Variants in ZNF335 observed in about 807,000 individuals in gnomAD.
ZNF335 encodes NRC-interacting factor 1.
A neutral mutation model predicts 145.6 loss-of-function variants in ZNF335; 84 were observed. The ratio of observed to expected loss-of-function variants is 0.58; its 90% CI spans 0.48 to 0.69. The LOEUF is 0.69. Ranked by LOEUF, ZNF335 falls within the 30% of genes least tolerant of loss-of-function variation. The pLI is 0.00. For synonymous variants in ZNF335, 761 were observed against 717.0 expected, an observed-to-expected ratio of 1.06 and a Z score of -0.98; for missense variants, 1,865 against 1,809.7, an observed-to-expected ratio of 1.03 and a Z score of -0.55.
In ZNF335 at chr20:45,952,662, G is replaced by A. The variant is rs1239687646; in HGVS notation, c.2750C>T (p.Thr917Ile). The stretch of plus-strand genomic sequence containing the variant: ...GTAGTGGGTGCCAGCTTCTTTTAGG[G>A]TGTCACTCACAACCACAGCCTGGGC... ...EAAQAVVVSD[T>I]LKEAGTHYIM... Residue 917 changes from threonine (T) to isoleucine (I), a missense_variant, in exon 19 of 28, where the codon ACC becomes ATC. Coordinates refer to ENST00000322927, the MANE Select transcript of ZNF335 (RefSeq NM_022095.4). The A allele has an allele frequency of 6.2e-7, 1 of 1,613,706 alleles. No individual in the cohort carries two copies. Among genetic ancestry groups the A allele is most frequent in the African/African-American group, 1.3e-5 (1 of 74,888 alleles).
Position 45,965,670 on chromosome 20 carries a change from G to A in ZNF335, c.1060C>T (p.Pro354Ser), listed in dbSNP as rs1286305386. 3.8e-6 allele frequency: 6 copies of A among 1,599,288 alleles called. No individual in the cohort carries two copies. Among genetic ancestry groups the A allele is most frequent in the Non-Finnish European group, 5.1e-6 (6 of 1,174,456 alleles). Residue 354 changes from proline to serine, a missense_variant, in exon 7 of 28, where the codon CCC becomes TCC. Physicochemically the swap from Pro to Ser is moderately conservative, Grantham distance 74. Coordinates refer to ENST00000322927, the MANE Select transcript of ZNF335 (RefSeq NM_022095.4). The stretch of plus-strand genomic sequence containing the variant: ...ATCTCCAGGCGGGGCAGCTTCCGGG[G>A]CCGGCCAGGTCTCCTTCGGGGCCTT... Reference protein sequence around the residue: ...TPRPRRRPGRPRKLPRLEISD... With the variant: ...TPRPRRRPGRSRKLPRLEISD...
chr20:45,965,328 C>G (rs949256102), intron 7 of ZNF335, among the ~76,000 whole-genome samples: 7 of 152,106 alleles, frequency 4.6e-5, no homozygotes, highest in African/African-American at 1.7e-4. Flanking sequence ...CCTCTCTTCT[C>G]ATTTCAGTAA....
In ZNF335 at chr20:45,948,890, G is replaced by A; in HGVS notation, c.*63C>T. 6.2e-6 allele frequency: 10 copies of A among 1,610,748 alleles called. No individual in the cohort carries two copies. The highest frequency in any genetic ancestry group is 8.5e-6 in the Non-Finnish European group (10 of 1,178,856). ...CTAAATGAAGAGGGAGGTGAGTCCT[G>A]GTGGCCCCCTACCCCCAGGAGAGCT... On this transcript the variant is annotated 3_prime_UTR_variant, in exon 28 of 28. Coordinates refer to ENST00000322927, the MANE Select transcript of ZNF335 (RefSeq NM_022095.4).
intron 7 of ZNF335, among the ~76,000 whole-genome samples, chr20:45,965,063 T>TAATAAC: frequency 6.7e-6 from 1 of 149,614 alleles, no homozygotes; most frequent in South Asian, 2.1e-4. Context: ...ATAATAATAA[T>TAATAAC]AATAATACAA....
At chr20:45,965,167 C>T (rs1332994380) in intron 7 of ZNF335, among the ~76,000 whole-genome samples, 1 of 151,940 alleles carries the variant, frequency 6.6e-6, no homozygotes, top group Non-Finnish European at 1.5e-5. Context: ...AACCTCCATG[C>T]ATAAATAAAG....
intron 2 of ZNF335, among the ~76,000 whole-genome samples, chr20:45,970,455 T>G (rs1394980635): frequency 6.6e-6 from 1 of 152,252 alleles, no homozygotes; most frequent in South Asian, 2.1e-4. Flanking sequence ...GCTTTGCATA[T>G]GTTAATTCAT....
chr20:45,950,043 G>A lies in ZNF335; in HGVS notation c.3514C>T (p.Leu1172=). The A allele has an allele frequency of 6.2e-7, 1 of 1,613,980 alleles. No individual in the cohort carries two copies. Among genetic ancestry groups the A allele is most frequent in the Non-Finnish European group, 8.5e-7 (1 of 1,179,976 alleles). Residue 1172 remains leucine, a synonymous_variant, in exon 23 of 28, where the codon CTG becomes TTG. Transcript: ENST00000322927. ...GCCTGCTGTAGCCGCTCTGGGCCCA[G>A]GACCCCGTGACTGGACTGGAGTGCA... ...HTALQSSHGV[L]GPERLQQALS... is the part of the protein sequence containing the mutation.
chr20:45,959,369 C>A lies in ZNF335; in HGVS notation c.2085G>T (p.Leu695=). 6.3e-7 allele frequency: 1 copy of A among 1,580,904 alleles called. No individual in the cohort carries two copies. Among genetic ancestry groups the A allele is most frequent in the Non-Finnish European group, 8.6e-7 (1 of 1,159,762 alleles). The change falls in exon 15 of 28, where the codon CTG becomes CTT. Residue 695 remains leucine, a synonymous_variant. Coordinates refer to ENST00000322927, the MANE Select transcript of ZNF335 (RefSeq NM_022095.4). ...FSTRHKKNLR[L]HVRCRHASSF... is the part of the protein sequence containing the mutation. Reference sequence around the variant, plus strand: ...TGCTTGCGTGTCGGCACCGTACGTGCAGGCGCAGGTTCTTCTTGTGCCGTG... The same window carrying A: ...TGCTTGCGTGTCGGCACCGTACGTGAAGGCGCAGGTTCTTCTTGTGCCGTG...
At chr20:45,971,940 C>T (rs929500537) in intron 1 of ZNF335, 182 bp downstream of exon 1, 17 of 985,436 alleles carry the variant, frequency 1.7e-5, no homozygotes, top group Non-Finnish European at 1.3e-5. Context: ...GGCCCGACGC[C>T]ATCTTGTGGT....
rs750476501 is a variant in ZNF335, at chr20:45,971,359, G to A, written c.52C>T (p.Arg18Trp). 20 of 1,600,272 alleles carry A rather than the reference G, an allele frequency of 1.2e-5. 1 individual carries two copies. The South Asian group carries it at 1.9e-4, about 15-fold the overall frequency. ...SSSDAAPGPGRPEEPSESGLG... is the reference protein window; with the variant it reads ...SSSDAAPGPGWPEEPSESGLG... Reference sequence around the variant, plus strand: ...CCGCTCTCAGAGGGCTCCTCGGGCCGGCCAGGCCCAGGGGCCGCGTCGCTG... The same window carrying A: ...CCGCTCTCAGAGGGCTCCTCGGGCCAGCCAGGCCCAGGGGCCGCGTCGCTG... The change falls in exon 2 of 28, where the codon CGG becomes TGG. Residue 18 changes from arginine to tryptophan, a missense_variant. Coordinates refer to ENST00000322927, the MANE Select transcript of ZNF335 (RefSeq NM_022095.4).
chr20:45,966,700 C>T (rs1053160202), intron 6 of ZNF335, among the ~76,000 whole-genome samples: 10 of 151,448 alleles, frequency 6.6e-5, no homozygotes, highest in South Asian at 2.1e-4. Flanking sequence ...TGCAGGTGCC[C>T]GCCACCACAC....
intron 9 of ZNF335, 88 bp from the exon 10 acceptor site, chr20:45,962,270 G>A (rs1441348142): frequency 9.7e-7 from 1 of 1,035,178 alleles, no homozygotes; most frequent in Non-Finnish European, 1.5e-6. Context: ...CAGTCTTAGG[G>A]TTGCTGCGGG....
chr20:45,965,178 G>A (rs1229294437), intron 7 of ZNF335, among the ~76,000 whole-genome samples: 1 of 151,676 alleles, frequency 6.6e-6, no homozygotes, highest in Non-Finnish European at 1.5e-5. Flanking sequence ...ATAAATAAAG[G>A]GACTGGAGAT....
intron 2 of ZNF335, among the ~76,000 whole-genome samples, chr20:45,970,857 C>T (rs574820969): frequency 6.6e-6 from 1 of 150,618 alleles, no homozygotes; most frequent in South Asian, 2.1e-4. Context: ...TTCCAAAGTG[C>T]TGGGATTACA....
At chr20:45,949,440 T>C in intron 25 of ZNF335, 42 bp from the exon 26 acceptor site, 2 of 1,613,994 alleles carry the variant, frequency 1.2e-6, no homozygotes, top group Non-Finnish European at 1.7e-6. Context: ...GGAGAGGTCA[T>C]GCAGCCCTTC....
chr20:45,967,706 C>T (rs1253857318), intron 5 of ZNF335, 28 bp downstream of exon 5: 1 of 1,608,152 alleles, frequency 6.2e-7, no homozygotes. Flanking sequence ...CCCATGCAGT[C>T]CAAGCAGGTA....
At position 45,958,116 on chromosome 20, in the gene ZNF335, T is replaced by C. The variant is rs1020864418; in HGVS notation, c.2254-188A>G. On this transcript the variant is annotated intron_variant, in intron 15 of 27. Transcript: ENST00000322927. Reference sequence around the variant, plus strand: ...CAGGCTGGAGTACAATGGCTCAATCTAGGCTCACTACAACCTCTGCCCCTG... The same window carrying C: ...CAGGCTGGAGTACAATGGCTCAATCCAGGCTCACTACAACCTCTGCCCCTG... Among the ~76,000 whole-genome samples the C allele has an allele frequency of 2.3e-4, 35 of 152,090 alleles. 1 individual carries two copies. Among genetic ancestry groups the C allele is most frequent in the South Asian group, 1.2e-3 (6 of 4,822 alleles).
intron 10 of ZNF335, chr20:45,961,839 A>G (rs2083848766): frequency 2.1e-6 from 1 of 469,742 alleles, no homozygotes; most frequent in Non-Finnish European, 3.9e-6. Flanking sequence ...TGAGAAACTA[A>G]AGCTCACAAG....
At chr20:45,964,296 C>T (rs531286398) in intron 7 of ZNF335, 3 of 309,628 alleles carry the variant, frequency 9.7e-6, no homozygotes, top group Non-Finnish European at 1.8e-5. Context: ...TGTGCACCTA[C>T]AGACAAAGCC....
Sources: gnomAD v4.1 joint callset for allele counts (sites outside exome capture counted in the v4.1 genomes callset) on GRCh38, gnomAD v4.1.1 for gene constraint, MANE v1.5 for transcripts, NCBI Gene and HGNC (gene_info 2026-07-23, HGNC 2026-07-21) for gene names.